NMRK1: variants seen among roughly 807,000 people sequenced by gnomAD.
NMRK1 encodes the protein NRK 1.
Under a neutral mutation model 29.9 loss-of-function variants are expected in NMRK1, and 28 were observed. The observed-to-expected ratio is 0.94, with a 90% CI of 0.69 to 1.28. The LOEUF (loss-of-function observed/expected upper bound fraction) is 1.28. Ranked by LOEUF, NMRK1 falls within the 50% of genes most tolerant of loss-of-function variation. The pLI, the probability that NMRK1 is intolerant of heterozygous loss-of-function variation, is 0.00. For missense variants in NMRK1, 218 were observed against 233.1 expected, an observed-to-expected ratio of 0.94 and a Z score of 0.42; for synonymous variants, 58 against 73.0, an observed-to-expected ratio of 0.79 and a Z score of 1.05.
chr9:75,084,250 G>A (rs1824488738), intron 1 of NMRK1, among the ~76,000 whole-genome samples: 1 of 152,190 alleles, frequency 6.6e-6, no homozygotes, highest in African/African-American at 2.4e-5. Flanking sequence ...CAGGGACCTA[G>A]GCCGTGTAGC....
chr9:75,070,635 C>CAGT (rs1209101763), intron 4 of NMRK1, among the ~76,000 whole-genome samples: 1 of 152,146 alleles, frequency 6.6e-6, no homozygotes, highest in African/African-American at 2.4e-5. Context: ...GTACTTAAAC[C>CAGT]AGTAGTATTA....
chr9:75,081,586 T>C (rs1381912259), intron 2 of NMRK1, among the ~76,000 whole-genome samples: 1 of 151,874 alleles, frequency 6.6e-6, no homozygotes, highest in Non-Finnish European at 1.5e-5. Flanking sequence ...AAGAGGGAAA[T>C]CTTATTTACA....
chr9:75,087,418 G>C (rs957108726), intron 1 of NMRK1: 1 of 152,014 alleles, frequency 6.6e-6, no homozygotes, highest in Non-Finnish European at 1.5e-5. Context: ...TAAAGTGCCA[G>C]ACAGGAAATG....
intron 2 of NMRK1, among the ~76,000 whole-genome samples, chr9:75,081,192 C>G (rs919644482): frequency 7.2e-5 from 11 of 152,134 alleles, no homozygotes; most frequent in African/African-American, 2.7e-4. Flanking sequence ...TGGACAATTA[C>G]TTCCTAGGGA....
intron 4 of NMRK1, 58 bp from the exon 5 acceptor site, chr9:75,070,100 C>A (rs1034547246): frequency 6.9e-7 from 1 of 1,442,646 alleles, no homozygotes; most frequent in African/African-American, 1.4e-5. Flanking sequence ...TGTGATGTGA[C>A]TTTTTGTGAT....
Position 75,067,419 on chromosome 9 carries a change from T to G in NMRK1, c.497-579A>C, listed in dbSNP as rs566532243. ...GGCATAAGCAGCTTTGGAGAAAAAG[T>G]AGAAGTTGTCTAGGTTAAAGGAAGG... On this transcript the variant is annotated intron_variant, in intron 7 of 8. Transcript: ENST00000361092. Among the ~76,000 whole-genome samples, 19 of 152,236 alleles carry G rather than the reference T, an allele frequency of 1.2e-4. 1 individual carries two copies. In the South Asian group the frequency reaches 3.9e-3, roughly 32 times the overall value.
At position 75,077,513 on chromosome 9, in the gene NMRK1, T is replaced by C; in HGVS notation, c.97A>G (p.Ile33Val). 6.2e-7 allele frequency: 1 copy of C among 1,611,446 alleles called. No homozygotes were observed. ...ACCTTGAAGAAATCATCCTGAGATATGACACTGCAATTTGGGAGGTGTTTC... is the reference window on the plus strand; with the variant it reads ...ACCTTGAAGAAATCATCCTGAGATACGACACTGCAATTTGGGAGGTGTTTC... ...LQKHLPNCSV[I>V]SQDDFFKPES... Residue 33 changes from isoleucine to valine, a missense_variant, in exon 3 of 9, where the codon ATA (isoleucine) becomes GTA (valine). Transcript: ENST00000361092.
At chr9:75,074,611 C>T (rs917762533) in intron 4 of NMRK1, among the ~76,000 whole-genome samples, 14 of 152,024 alleles carry the variant, frequency 9.2e-5, no homozygotes, top group Admixed American at 2.6e-4. Context: ...GGTCTTGAAC[C>T]CCTTGGACTC....
chr9:75,061,217 C>A lies in NMRK1; in HGVS notation c.*331G>T. 3.4e-6 allele frequency: 1 copy of A among 295,510 alleles called. No individual in the cohort carries two copies. The highest frequency in any genetic ancestry group is 2.2e-5 in the African/African-American group (1 of 46,414). 18.3% of individuals were successfully genotyped at this position (295,510 alleles called of 1,614,324 possible). ...CACAGATATTGGATTGTGATGTAAT[C>A]TTTATTTCTTACTCTGAGCTCCAGT... On this transcript the variant is annotated 3_prime_UTR_variant, in exon 9 of 9. Transcript: ENST00000361092.
chr9:75,069,943 T>G lies in NMRK1; in HGVS notation c.269A>C (p.Glu90Ala). Residue 90 changes from glutamate to alanine, a missense_variant, in exon 5 of 9, where the codon GAG becomes GCG. Coordinates refer to ENST00000361092, the MANE Select transcript of NMRK1 (RefSeq NM_017881.3). ...TTCGATGATTAAAATGGGAATTTCC[T>G]CAGCACTTTCCTGGTCTGTTGATAC... ...SVVSTDQESA[E>A]EIPILIIEGF... The G allele has an allele frequency of 6.2e-7, 1 of 1,614,054 alleles. No individual in the cohort carries two copies.
intron 8 of NMRK1, among the ~76,000 whole-genome samples, chr9:75,063,537 A>C (rs1399209710): frequency 6.6e-6 from 1 of 152,192 alleles, no homozygotes; most frequent in Non-Finnish European, 1.5e-5. Flanking sequence ...GGATTAAATT[A>C]AATGTGTAAC....
intron 4 of NMRK1, among the ~76,000 whole-genome samples, chr9:75,071,397 C>CA (rs1329944146): frequency 6.6e-6 from 1 of 152,178 alleles, no homozygotes; most frequent in Non-Finnish European, 1.5e-5. Context: ...TCACTTGTTT[C>CA]AAGCCTGTTT....
chr9:75,079,208 A>G (rs1420581046), intron 2 of NMRK1, among the ~76,000 whole-genome samples: 3 of 152,216 alleles, frequency 2.0e-5, no homozygotes, highest in Admixed American at 6.5e-5. Context: ...AAGATTTCTC[A>G]TGTAACCTTA....
chr9:75,079,876 G>A (rs1264516062), intron 2 of NMRK1, among the ~76,000 whole-genome samples: 1 of 152,166 alleles, frequency 6.6e-6, no homozygotes, highest in East Asian at 1.9e-4. Context: ...TGTAGCTTGC[G>A]TGTGCTACCC....
chr9:75,062,313 T>C (rs1283638126), intron 8 of NMRK1, among the ~76,000 whole-genome samples: 2 of 150,530 alleles, frequency 1.3e-5, no homozygotes, highest in Non-Finnish European at 3.0e-5. Flanking sequence ...TATAATTTTA[T>C]AATGAGATTA....
chr9:75,086,766 A>C (rs1164223833), intron 1 of NMRK1, among the ~76,000 whole-genome samples: 2 of 152,218 alleles, frequency 1.3e-5, no homozygotes, highest in East Asian at 3.8e-4. Context: ...TATTTTAAAA[A>C]GAGAAAAATG....
intron 2 of NMRK1, 115 bp from the exon 3 acceptor site, chr9:75,077,695 G>A: frequency 2.9e-6 from 2 of 700,052 alleles, no homozygotes; most frequent in Admixed American, 2.3e-5. Context: ...GAGTGCAGTG[G>A]TGCAATCTTG....
intron 8 of NMRK1, among the ~76,000 whole-genome samples, chr9:75,065,076 T>C (rs1049896211): frequency 6.6e-6 from 1 of 152,240 alleles, no homozygotes; most frequent in Admixed American, 6.5e-5. Context: ...CATGGCTCAC[T>C]GCAGCCTTGA....
intron 2 of NMRK1, 86 bp downstream of exon 2, chr9:75,083,001 T>C (rs1294226622): frequency 1.0e-6 from 1 of 973,138 alleles, no homozygotes; most frequent in Admixed American, 1.7e-5. Flanking sequence ...TCCTCACTGC[T>C]TCTCCGTCCC....
Sources: gnomAD v4.1 joint callset for allele counts (sites outside exome capture counted in the v4.1 genomes callset) on GRCh38, gnomAD v4.1.1 for gene constraint, MANE v1.5 for transcripts, NCBI Gene and HGNC (gene_info 2026-07-23, HGNC 2026-07-21) for gene names.